The following DLG2 variants were observed in gnomAD, a reference collection of about 807,000 sequenced individuals.
DLG2 encodes the protein discs large MAGUK scaffold protein 2.
DLG2 carries 45 observed loss-of-function variants against 132.5 expected under a neutral mutation model. That is an observed-to-expected ratio of 0.34 (90% confidence interval 0.27 to 0.44). DLG2 has a LOEUF of 0.44. DLG2 is among the 20% of genes least tolerant of loss of function. The probability of loss-of-function intolerance (pLI) is 1.00; values close to 1 mark genes in which losing one functional copy is unlikely to be tolerated. For synonymous variants in DLG2, 424 were observed against 419.6 expected (o/e 1.01, Z -0.13); for missense variants, 1,045 against 1,196.9 (o/e 0.87, Z 1.87).
intron 7 of DLG2, among the ~76,000 whole-genome samples, chr11:84,409,728 A>G (rs1601626349): frequency 1.3e-5 from 2 of 152,126 alleles, no homozygotes; most frequent in Admixed American, 6.5e-5. Context: ...CATGTCTCCA[A>G]ATTTCTTTCT....
chr11:85,479,546 A>T (rs564393721), intron 3 of DLG2, among the ~76,000 whole-genome samples: 1 of 152,246 alleles, frequency 6.6e-6, no homozygotes, highest in Non-Finnish European at 1.5e-5. Context: ...ACACTTATGA[A>T]TCAGTATAAA....
At chr11:84,494,753 C>T (rs927052548) in intron 7 of DLG2, among the ~76,000 whole-genome samples, 3 of 152,098 alleles carry the variant, frequency 2.0e-5, no homozygotes, top group Non-Finnish European at 4.4e-5. Flanking sequence ...CTATGCAAAG[C>T]CACAGGATCT....
chr11:84,908,032 C>T (rs369312263), intron 6 of DLG2, among the ~76,000 whole-genome samples: 2 of 152,178 alleles, frequency 1.3e-5, no homozygotes, highest in African/African-American at 4.8e-5. Flanking sequence ...ACAAACCACA[C>T]TGATTATAAA....
Position 85,282,716 on chromosome 11 carries a change from A to G in DLG2, c.186+2504T>C, listed in dbSNP as rs61413979. ...GCTTCTATGCAATATATATGGGACT[A>G]TGCATCTAGAAATTGAATAAAATAA... On this transcript the variant is annotated intron_variant, in intron 4 of 27. Coordinates refer to ENST00000376104, the MANE Select transcript of DLG2 (RefSeq NM_001142699.3). Among the ~76,000 whole-genome samples the G allele has an allele frequency of 2.5e-3, 378 of 152,108 alleles. 2 individuals carry two copies. The highest frequency in any genetic ancestry group is 8.8e-3 in the African/African-American group (365 of 41,558).
intron 8 of DLG2, among the ~76,000 whole-genome samples, chr11:84,205,089 A>G (rs2096648294): frequency 6.6e-6 from 1 of 152,226 alleles, no homozygotes; most frequent in African/African-American, 2.4e-5. Context: ...ATAATAGTGA[A>G]CTGCGTTATT....
intron 11 of DLG2, among the ~76,000 whole-genome samples, chr11:84,038,042 G>A (rs1032161155): frequency 6.6e-6 from 1 of 151,892 alleles, no homozygotes; most frequent in African/African-American, 2.4e-5. Context: ...TGTCATGGCG[G>A]TTTGTGGTAG....
chr11:85,456,594 G>C (rs569563430), intron 3 of DLG2, among the ~76,000 whole-genome samples: 2 of 152,092 alleles, frequency 1.3e-5, no homozygotes, highest in African/African-American at 4.8e-5. Flanking sequence ...GCCTTTCGAC[G>C]TGGGCATTTA....
chr11:84,652,973 C>T (rs61899028), intron 6 of DLG2, among the ~76,000 whole-genome samples: 23,937 of 150,720 alleles, frequency 0.16, 2,405 homozygotes, highest in African/African-American at 0.28. Flanking sequence ...GCTCTGTTGC[C>T]CAGGCTAGAG....
At chr11:84,078,814 G>T (rs1468698517) in intron 10 of DLG2, among the ~76,000 whole-genome samples, 1 of 152,018 alleles carries the variant, frequency 6.6e-6, no homozygotes, top group Non-Finnish European at 1.5e-5. Flanking sequence ...GGTTTTAAAG[G>T]TTCCCAATGA....
chr11:83,925,030 G>A (rs937187279), intron 15 of DLG2, among the ~76,000 whole-genome samples: 2 of 152,088 alleles, frequency 1.3e-5, no homozygotes, highest in African/African-American at 2.4e-5. Flanking sequence ...ACTACCGCTT[G>A]TAATAATCTG....
At chr11:84,974,898 A>C (rs779374448) in intron 6 of DLG2, among the ~76,000 whole-genome samples, 31 of 152,258 alleles carry the variant, frequency 2.0e-4, no homozygotes, top group Non-Finnish European at 3.5e-4. Flanking sequence ...AGTTATAAAT[A>C]GGTATAGACT....
At chr11:84,011,495 T>A (rs149991953) in intron 11 of DLG2, among the ~76,000 whole-genome samples, 2,113 of 150,848 alleles carry the variant, frequency 0.014, 31 homozygotes, top group African/African-American at 0.041. Flanking sequence ...ATAAATTAAT[T>A]AATTAATTAA....
Position 85,231,522 on chromosome 11 carries a change from C to A in DLG2, c.186+53698G>T, listed in dbSNP as rs1430910555. 2.0e-5 allele frequency among the ~76,000 whole-genome samples: 3 copies of A among 151,870 alleles called. No homozygotes were observed. In the Admixed American group the frequency reaches 2.0e-4, roughly 10 times the overall value. ...AATAGCATTTTAACAACCTTGTTTGCTAATCCTAATATTTCTGTCACCAAT... is the reference window on the plus strand; with the variant it reads ...AATAGCATTTTAACAACCTTGTTTGATAATCCTAATATTTCTGTCACCAAT... On this transcript the variant is annotated intron_variant, in intron 4 of 27. Transcript: ENST00000376104.
intron 3 of DLG2, among the ~76,000 whole-genome samples, chr11:85,495,487 C>A (rs2093649603): frequency 6.6e-6 from 1 of 152,112 alleles, no homozygotes; most frequent in Admixed American, 6.6e-5. Flanking sequence ...TGAATAGACA[C>A]TTCTCAAAGG....
At chr11:84,912,477 C>G (rs1478781891) in intron 6 of DLG2, among the ~76,000 whole-genome samples, 1 of 152,208 alleles carries the variant, frequency 6.6e-6, no homozygotes, top group Non-Finnish European at 1.5e-5. Flanking sequence ...ATTTTAACAT[C>G]TTCTGAATGA....
At chr11:83,875,681 T>C (rs2064594078) in intron 15 of DLG2, among the ~76,000 whole-genome samples, 2 of 152,180 alleles carry the variant, frequency 1.3e-5, no homozygotes, top group Admixed American at 6.6e-5. Context: ...ACTATTTACA[T>C]ATACACATAA....
chr11:85,300,451 G>C (rs528384767), intron 3 of DLG2, among the ~76,000 whole-genome samples: 22 of 152,054 alleles, frequency 1.4e-4, no homozygotes, highest in Non-Finnish European at 3.1e-4. Context: ...CTAGAGTCTG[G>C]GGCAGGCAAA....
chr11:84,051,937 C>T (rs1231509100), intron 11 of DLG2, among the ~76,000 whole-genome samples: 6 of 151,628 alleles, frequency 4.0e-5, no homozygotes, highest in Admixed American at 4.0e-4. Context: ...ACGTCCAAGG[C>T]CTTTTACTGT....
intron 6 of DLG2, among the ~76,000 whole-genome samples, chr11:84,583,324 C>T (rs1369019844): frequency 6.6e-6 from 1 of 152,144 alleles, no homozygotes; most frequent in Non-Finnish European, 1.5e-5. Context: ...GTCACAGATG[C>T]AGAAGATATG....
Sources: gnomAD v4.1 joint callset for allele counts (sites outside exome capture counted in the v4.1 genomes callset) on GRCh38, gnomAD v4.1.1 for gene constraint, MANE v1.5 for transcripts, NCBI Gene and HGNC (gene_info 2026-07-23, HGNC 2026-07-21) for gene names.